Variants in CPQ observed in about 807,000 individuals in gnomAD.
The protein encoded by CPQ is Ser-Met dipeptidase.
Under a neutral mutation model 45.7 loss-of-function variants are expected in CPQ, and 37 were observed. That is an observed-to-expected ratio of 0.81 (90% CI 0.62 to 1.07). The LOEUF (loss-of-function observed/expected upper bound fraction) is 1.07, where lower values mean the gene tolerates loss of function less well. CPQ is among the 50% of genes least tolerant of loss of function. The pLI, the probability that CPQ is intolerant of heterozygous loss-of-function variation, is 0.00. For missense variants in CPQ, 537 were observed against 572.9 expected (o/e 0.94, Z 0.64); for synonymous variants, 186 against 205.8 (o/e 0.90, Z 0.82).
At chr8:96,742,540 C>T (rs1002970583) in intron 1 of CPQ, among the ~76,000 whole-genome samples, 11 of 151,496 alleles carry the variant, frequency 7.3e-5, no homozygotes, top group Non-Finnish European at 1.5e-5. Flanking sequence ...GGTTATTTTG[C>T]TCCTTAGTTG....
At chr8:96,782,012 C>T (rs1370827095) in intron 1 of CPQ, among the ~76,000 whole-genome samples, 4 of 152,138 alleles carry the variant, frequency 2.6e-5, no homozygotes, top group Non-Finnish European at 5.9e-5. Context: ...CTTGGAGAGC[C>T]CTGCACCTAT....
Position 96,910,795 on chromosome 8 carries a change from C to T in CPQ, c.849+30790C>T, listed in dbSNP as rs1027299287. On this transcript the variant is annotated intron_variant, in intron 4 of 7. Coordinates refer to ENST00000220763, the MANE Select transcript of CPQ (RefSeq NM_016134.4). ...CTGGGATTACAGGCGTGAGCCACCGCGCCCGGCTGAAGTAGTGTTATAATC... is the reference window on the plus strand; with the variant it reads ...CTGGGATTACAGGCGTGAGCCACCGTGCCCGGCTGAAGTAGTGTTATAATC... Among the ~76,000 whole-genome samples, 9 of 152,116 alleles carry T rather than the reference C, an allele frequency of 5.9e-5. No individual in the cohort carries two copies. In the South Asian group the frequency reaches 6.2e-4, roughly 11 times the overall value.
chr8:96,965,339 C>G (rs1813536491), intron 4 of CPQ, among the ~76,000 whole-genome samples: 1 of 149,286 alleles, frequency 6.7e-6, no homozygotes, highest in South Asian at 2.1e-4. Context: ...ATAAATTTAT[C>G]AAATATCTGT....
In CPQ at chr8:96,786,131, C is replaced by G. The variant is rs185223959; in HGVS notation, c.433+801C>G. On this transcript the variant is annotated intron_variant, in intron 2 of 7. Coordinates refer to ENST00000220763, the MANE Select transcript of CPQ (RefSeq NM_016134.4). ...CCACCACAATCTAATTATAGAACATCTTCATCACCACAAAAAGAAACTCTG... is the reference window on the plus strand; with the variant it reads ...CCACCACAATCTAATTATAGAACATGTTCATCACCACAAAAAGAAACTCTG... Among the ~76,000 whole-genome samples, 349 of 152,208 alleles carry G rather than the reference C, an allele frequency of 2.3e-3. 4 individuals carry two copies. Among genetic ancestry groups the G allele is most frequent in the African/African-American group, 8.2e-3 (341 of 41,548 alleles).
chr8:96,965,119 T>A (rs1350454073), intron 4 of CPQ, among the ~76,000 whole-genome samples: 1 of 152,140 alleles, frequency 6.6e-6, no homozygotes, highest in Non-Finnish European at 1.5e-5. Context: ...TCCTGTTCAA[T>A]TGGATCTAGT....
intron 1 of CPQ, among the ~76,000 whole-genome samples, chr8:96,714,964 T>C (rs1305573757): frequency 3.3e-5 from 5 of 152,228 alleles, no homozygotes; most frequent in African/African-American, 1.2e-4. Flanking sequence ...TTGATTGTAG[T>C]AGCAATGTGT....
At chr8:96,787,630 C>T (rs1810789117) in intron 2 of CPQ, among the ~76,000 whole-genome samples, 1 of 137,538 alleles carries the variant, frequency 7.3e-6, no homozygotes, top group Non-Finnish European at 1.5e-5. Context: ...GAAGAGATTA[C>T]AACTGACTGC....
At chr8:96,891,045 C>G (rs2130889247) in intron 4 of CPQ, among the ~76,000 whole-genome samples, 1 of 152,336 alleles carries the variant, frequency 6.6e-6, no homozygotes, top group African/African-American at 2.4e-5. Context: ...AAAAGTCATT[C>G]CACCATTCTA....
intron 2 of CPQ, among the ~76,000 whole-genome samples, chr8:96,820,620 A>G (rs1811288381): frequency 6.6e-6 from 1 of 152,080 alleles, no homozygotes; most frequent in African/African-American, 2.4e-5. Context: ...AATTCCATCT[A>G]TGTTGCTGCA....
At chr8:97,023,929 A>ACGGTG (rs1720613652) in intron 5 of CPQ, among the ~76,000 whole-genome samples, 1 of 152,144 alleles carries the variant, frequency 6.6e-6, no homozygotes, top group African/African-American at 2.4e-5. Context: ...ATATGGCACC[A>ACGGTG]TTTGCACATC....
chr8:97,126,159 A>G (rs1461278570), intron 7 of CPQ, among the ~76,000 whole-genome samples: 3 of 152,204 alleles, frequency 2.0e-5, no homozygotes, highest in Non-Finnish European at 2.9e-5. Flanking sequence ...ACAAAGATCA[A>G]TAAGAAGGGT....
intron 3 of CPQ, among the ~76,000 whole-genome samples, chr8:96,843,456 T>G (rs570218455): frequency 6.6e-6 from 1 of 152,270 alleles, no homozygotes; most frequent in Admixed American, 6.5e-5. Flanking sequence ...ATGTCACTGT[T>G]GTAATTGGTG....
chr8:96,687,795 G>T (rs1259321020), intron 1 of CPQ, among the ~76,000 whole-genome samples: 2 of 151,884 alleles, frequency 1.3e-5, no homozygotes, highest in Non-Finnish European at 2.9e-5. Context: ...CATTTTCTGG[G>T]TTTGTTATTT....
intron 1 of CPQ, among the ~76,000 whole-genome samples, chr8:96,729,204 C>T (rs1180943390): frequency 6.6e-6 from 1 of 152,166 alleles, no homozygotes; most frequent in Admixed American, 6.5e-5. Context: ...CATGGTGGAA[C>T]TCTGTGACTG....
chr8:96,741,711 T>C (rs1388426173), intron 1 of CPQ, among the ~76,000 whole-genome samples: 2 of 152,214 alleles, frequency 1.3e-5, no homozygotes. Context: ...CATCTTTATT[T>C]CTGCCTTCAT....
At chr8:97,028,067 G>T (rs1366346308) in intron 5 of CPQ, among the ~76,000 whole-genome samples, 1 of 152,210 alleles carries the variant, frequency 6.6e-6, no homozygotes, top group Non-Finnish European at 1.5e-5. Flanking sequence ...AAACACCAAT[G>T]GGATTGCTGA....
At chr8:96,795,263 G>A (rs777076005) in intron 2 of CPQ, among the ~76,000 whole-genome samples, 4 of 152,124 alleles carry the variant, frequency 2.6e-5, no homozygotes, top group Non-Finnish European at 4.4e-5. Flanking sequence ...TTTCTCACAC[G>A]GTGGCAGACA....
intron 3 of CPQ, among the ~76,000 whole-genome samples, chr8:96,855,620 T>C (rs1392563836): frequency 6.6e-6 from 1 of 152,138 alleles, no homozygotes; most frequent in African/African-American, 2.4e-5. Context: ...TTCACGAAAA[T>C]GTATCAGGCC....
intron 4 of CPQ, among the ~76,000 whole-genome samples, chr8:96,958,330 A>T (rs1190895243): frequency 1.3e-5 from 2 of 152,194 alleles, no homozygotes; most frequent in Non-Finnish European, 2.9e-5. Context: ...TACCTCAGGA[A>T]GTTCAAATAC....
Sources: allele counts gnomAD v4.1 joint callset (sites outside exome capture counted in the v4.1 genomes callset), GRCh38; gene constraint gnomAD v4.1.1; transcripts MANE v1.5; gene names NCBI Gene and HGNC (gene_info 2026-07-23, HGNC 2026-07-21).